Variants in UNC13B observed in about 807,000 individuals in gnomAD.
UNC13B encodes the protein unc-13 homolog B.
UNC13B carries 144 observed loss-of-function variants against 211.0 expected under a neutral mutation model. That is an observed-to-expected ratio of 0.68 (90% CI 0.60 to 0.78). The LOEUF (loss-of-function observed/expected upper bound fraction) is 0.78. Among genes scored for constraint, UNC13B ranks in the 30% least tolerant of loss-of-function variants. The probability of loss-of-function intolerance (pLI) is 0.00; values close to 1 mark genes in which losing one functional copy is unlikely to be tolerated. For missense variants in UNC13B, 1,777 were observed against 2,002.0 expected (o/e 0.89, Z 2.14); for synonymous variants, 709 against 725.8 (o/e 0.98, Z 0.37).
At chr9:35,198,066 T>TG (rs1823044191) in intron 1 of UNC13B, among the ~76,000 whole-genome samples, 2 of 152,220 alleles carry the variant, frequency 1.3e-5, no homozygotes. Context: ...ACACCCCACT[T>TG]GGTGTATATC....
intron 12 of UNC13B, among the ~76,000 whole-genome samples, chr9:35,367,684 T>A (rs956103064): frequency 6.6e-6 from 1 of 152,216 alleles, no homozygotes; most frequent in Admixed American, 6.5e-5. Context: ...AGTCATCTAC[T>A]TATTCCATTC....
At chr9:35,177,768 G>A (rs555704446) in intron 1 of UNC13B, among the ~76,000 whole-genome samples, 1 of 152,262 alleles carries the variant, frequency 6.6e-6, no homozygotes, top group Admixed American at 6.5e-5. Flanking sequence ...AGAAATTGAG[G>A]GCAAAGAAAG....
At chr9:35,221,460 T>C (rs1249427918) in intron 1 of UNC13B, among the ~76,000 whole-genome samples, 1 of 152,214 alleles carries the variant, frequency 6.6e-6, no homozygotes, top group African/African-American at 2.4e-5. Flanking sequence ...TTGTCTGAGC[T>C]CCTTATATAT....
intron 1 of UNC13B, among the ~76,000 whole-genome samples, chr9:35,193,035 A>T (rs1450859116): frequency 6.6e-6 from 1 of 152,078 alleles, no homozygotes; most frequent in African/African-American, 2.4e-5. Flanking sequence ...AACCAGAGGA[A>T]CTAAGTGATT....
chr9:35,385,913 T>A (rs1835159081), intron 23 of UNC13B, 100 bp downstream of exon 23: 1 of 1,477,690 alleles, frequency 6.8e-7, no homozygotes, highest in Non-Finnish European at 9.2e-7. Flanking sequence ...GCTACAGGAT[T>A]CATCACCTCT....
chr9:35,343,708 G>A (rs940812075), intron 11 of UNC13B, among the ~76,000 whole-genome samples: 1 of 152,044 alleles, frequency 6.6e-6, no homozygotes, highest in African/African-American at 2.4e-5. Flanking sequence ...CTACTGCCAG[G>A]TTTGGAAGGC....
At position 35,403,855 on chromosome 9, in the gene UNC13B, T is replaced by G; in HGVS notation, c.12845T>G (p.Leu4282Arg). 6.2e-7 allele frequency: 1 copy of G among 1,614,174 alleles called. No individual in the cohort carries two copies. Among genetic ancestry groups the G allele is most frequent in the Non-Finnish European group, 8.5e-7 (1 of 1,180,034 alleles). ...DRVLGLAVMP[L>R]RDVTAKGSCA... ...GTGCTAGGGCTGGCTGTGATGCCTC[T>G]GAGGGATGTCACAGCCAAGGGCAGC... Residue 4282 changes from leucine (L) to arginine (R), a missense_variant, in exon 40 of 40, where the codon CTG (leucine) becomes CGG (arginine). Physicochemically the swap from Leu to Arg is moderately radical, Grantham distance 102 (BLOSUM62 -2). Coordinates refer to ENST00000635942, the MANE Select transcript of UNC13B (RefSeq NM_001371189.2).
At position 35,308,114 on chromosome 9, in the gene UNC13B, A is replaced by T; in HGVS notation, c.8710A>T (p.Thr2904Ser). The T allele has an allele frequency of 2.5e-6, 1 of 399,006 alleles. No individual in the cohort carries two copies. Among genetic ancestry groups the T allele is most frequent in the Non-Finnish European group, 4.4e-6 (1 of 226,092 alleles). The allele number at this position is 399,006 out of a possible 1,614,324, so 24.7% of individuals were successfully genotyped here. The change falls in exon 9 of 40, where the codon ACC (threonine) becomes TCC (serine). Residue 2904 changes from threonine (T) to serine (S), a missense_variant. By Grantham distance (58) the Thr-to-Ser change is moderately conservative (BLOSUM62 1). Coordinates refer to ENST00000635942, the MANE Select transcript of UNC13B (RefSeq NM_001371189.2). ...TAAAGTCTACACTCAGCCCTCTGGG[A>T]CCTCTGAGCAGCTGGTGGCCAGTCC... ...PGKVYTQPSGTSEQLVASPEV... is the reference protein window; with the variant it reads ...PGKVYTQPSGSSEQLVASPEV...
At chr9:35,217,440 G>A (rs1433833529) in intron 1 of UNC13B, among the ~76,000 whole-genome samples, 1 of 150,350 alleles carries the variant, frequency 6.7e-6, no homozygotes, top group East Asian at 1.9e-4. Flanking sequence ...CCAGGCTGGA[G>A]TGCAGTGGCG....
intron 11 of UNC13B, among the ~76,000 whole-genome samples, chr9:35,333,156 C>A (rs1160813393): frequency 6.6e-6 from 1 of 151,972 alleles, no homozygotes; most frequent in Non-Finnish European, 1.5e-5. Flanking sequence ...TAAATAAAAG[C>A]TAAATGAAAA....
At chr9:35,180,804 T>C (rs961147562) in intron 1 of UNC13B, among the ~76,000 whole-genome samples, 22 of 152,058 alleles carry the variant, frequency 1.4e-4, no homozygotes, top group Non-Finnish European at 4.4e-5. Flanking sequence ...GGGAAAAAGA[T>C]ACAGAGTTTT....
Position 35,352,367 on chromosome 9 carries a change from C to T in UNC13B, c.9415-14580C>T, listed in dbSNP as rs113897110. 7.3e-6 allele frequency: 9 copies of T among 1,232,208 alleles called. No individual in the cohort carries two copies. In the African/African-American group the frequency reaches 1.1e-4, roughly 15 times the overall value. 76.3% of individuals were successfully genotyped at this position (1,232,208 alleles called of 1,614,324 possible). On this transcript the variant is annotated intron_variant, in intron 11 of 39. Transcript: ENST00000635942. Reference sequence around the variant, plus strand: ...TGTTGTGAAGCTTGCCCATCTAGAGCATAGAGACTTCATCTTGCAGAAATC... The same window carrying T: ...TGTTGTGAAGCTTGCCCATCTAGAGTATAGAGACTTCATCTTGCAGAAATC...
In UNC13B at chr9:35,236,693, C is replaced by T. The variant is rs987907688; in HGVS notation, c.270+107C>T. 3.9e-6 allele frequency: 4 copies of T among 1,024,674 alleles called. No individual in the cohort carries two copies. The African/African-American group carries it at 6.4e-5, about 16-fold the overall frequency. The allele number at this position is 1,024,674 out of a possible 1,614,324, so 63.5% of individuals were successfully genotyped here. ...CATCCATGCATCTTGGATTATTCTT[C>T]CCCCTTTCTAATTAGAGGGCATGCA... On this transcript the variant is annotated intron_variant, in intron 4 of 39. Transcript: ENST00000635942.
In UNC13B at chr9:35,403,688, T is replaced by C; in HGVS notation, c.12738-60T>C. On this transcript the variant is annotated intron_variant, in intron 39 of 39. Transcript: ENST00000635942. ...AGGAGGGCCCGGGGGGATGGCAGACTGGGGTGAAATCAGCTGAAGACTCAA... is the reference window on the plus strand; with the variant it reads ...AGGAGGGCCCGGGGGGATGGCAGACCGGGGTGAAATCAGCTGAAGACTCAA... 4.4e-6 allele frequency: 7 copies of C among 1,602,976 alleles called. No individual in the cohort carries two copies. In the South Asian group the frequency reaches 7.8e-5, roughly 18 times the overall value.
chr9:35,384,373 C>T, intron 22 of UNC13B, 59 bp downstream of exon 22: 2 of 1,564,772 alleles, frequency 1.3e-6, no homozygotes, highest in Non-Finnish European at 8.7e-7. Flanking sequence ...CCCAGAGAGA[C>T]TGTAGGCCAA....
intron 11 of UNC13B, among the ~76,000 whole-genome samples, chr9:35,329,455 T>C (rs1277611740): frequency 2.6e-5 from 4 of 151,950 alleles, no homozygotes; most frequent in African/African-American, 9.7e-5. Context: ...CTTCTTGGCA[T>C]CTTGATCTTG....
At chr9:35,284,369 G>T (rs915229887) in intron 7 of UNC13B, among the ~76,000 whole-genome samples, 3 of 152,140 alleles carry the variant, frequency 2.0e-5, no homozygotes, top group Non-Finnish European at 2.9e-5. Flanking sequence ...AATATTAGTG[G>T]ATGTTGAACA....
chr9:35,388,765 A>C (rs1459138520), intron 24 of UNC13B, among the ~76,000 whole-genome samples: 1 of 152,236 alleles, frequency 6.6e-6, no homozygotes, highest in African/African-American at 2.4e-5. Flanking sequence ...TGGAAGGTGT[A>C]AACTAAGGAA....
At chr9:35,402,484 A>G (rs1836384673) in intron 37 of UNC13B, among the ~76,000 whole-genome samples, 1 of 151,774 alleles carries the variant, frequency 6.6e-6, no homozygotes, top group Admixed American at 6.6e-5. Flanking sequence ...GGGTTTCACC[A>G]TGTTAGCCAG....
Sources: allele counts gnomAD v4.1 joint callset (sites outside exome capture counted in the v4.1 genomes callset), GRCh38; gene constraint gnomAD v4.1.1; transcripts MANE v1.5; gene names NCBI Gene and HGNC (gene_info 2026-07-23, HGNC 2026-07-21).